AMPH: variants seen among roughly 807,000 people sequenced by gnomAD.
AMPH encodes amphiphysin (Stiff-Mann syndrome with breast cancer 128kD autoantigen).
A neutral mutation model predicts 99.1 loss-of-function variants in AMPH; 49 were observed. The ratio of observed to expected loss-of-function variants is 0.49; its 90% CI spans 0.39 to 0.63. The LOEUF (loss-of-function observed/expected upper bound fraction) is 0.63, where lower values mean the gene tolerates loss of function less well. Among genes scored for constraint, AMPH ranks in the 20% least tolerant of loss-of-function variants. The pLI, the probability that AMPH is intolerant of heterozygous loss-of-function variation, is 0.00. For missense variants in AMPH, 759 were observed against 863.4 expected, an observed-to-expected ratio of 0.88 and a Z score of 1.52; for synonymous variants, 314 against 317.3, an observed-to-expected ratio of 0.99 and a Z score of 0.11.
chr7:38,601,964 T>C (rs1312564551), intron 1 of AMPH, among the ~76,000 whole-genome samples: 1 of 152,174 alleles, frequency 6.6e-6, no homozygotes. Flanking sequence ...AGCAAAACCA[T>C]AACTACCTGT....
At chr7:38,540,173 C>T (rs890870477) in intron 1 of AMPH, among the ~76,000 whole-genome samples, 3 of 152,188 alleles carry the variant, frequency 2.0e-5, no homozygotes, top group South Asian at 2.1e-4. Flanking sequence ...TTCAGTGCCT[C>T]GTGCATTTTG....
intron 11 of AMPH, among the ~76,000 whole-genome samples, chr7:38,454,533 T>TA (rs202161048): frequency 9.2e-4 from 134 of 144,900 alleles, no homozygotes; most frequent in South Asian, 2.6e-3. Flanking sequence ...TTGAGTCAAT[T>TA]AAAAAAAAAA....
intron 10 of AMPH, among the ~76,000 whole-genome samples, 174 bp downstream of exon 10, chr7:38,462,801 A>T (rs1787500772): frequency 6.6e-6 from 1 of 152,192 alleles, no homozygotes; most frequent in Non-Finnish European, 1.5e-5. Flanking sequence ...TATCAAGTCA[A>T]ATAAGAAAAG....
chr7:38,471,633 C>T (rs1030018), intron 7 of AMPH, among the ~76,000 whole-genome samples: 37,681 of 151,950 alleles, frequency 0.25, 5,697 homozygotes, highest in African/African-American at 0.39. Flanking sequence ...ATTTTGGTAA[C>T]TATATAAAGG....
intron 4 of AMPH, among the ~76,000 whole-genome samples, chr7:38,492,367 T>A (rs983971035): frequency 6.6e-6 from 1 of 152,176 alleles, no homozygotes; most frequent in Non-Finnish European, 1.5e-5. Context: ...CGTGAAGGCA[T>A]GCTAAAAATG....
Position 38,406,731 on chromosome 7 carries a change from CCTCTCTCTCT to C in AMPH, c.1398+11084_1398+11093del, listed in dbSNP as rs56738810. On this transcript the variant is annotated intron_variant, in intron 17 of 20. Transcript: ENST00000356264. ...CTCCTCTCCTCTCTCTCTCCCTTTCCCTCTCTCTCTCTCTCTCTCTCTCTCTCTCTCTCTC... is the reference window on the plus strand; with the variant it reads ...CTCCTCTCCTCTCTCTCTCCCTTTCCCTCTCTCTCTCTCTCTCTCTCTCTC... Among the ~76,000 whole-genome samples the C allele has an allele frequency of 6.5e-3, 527 of 80,538 alleles. 4 individuals carry two copies. The highest frequency in any genetic ancestry group is 0.011 in the African/African-American group (203 of 18,226). 52.8% of individuals were successfully genotyped at this position (80,538 alleles called of 152,430 possible).
chr7:38,513,202 G>T (rs901860073), intron 2 of AMPH, among the ~76,000 whole-genome samples: 5 of 152,306 alleles, frequency 3.3e-5, no homozygotes, highest in Admixed American at 3.3e-4. Context: ...ACCAAGGAGA[G>T]TGGCAGTCTT....
At chr7:38,508,070 T>C (rs569494226) in intron 2 of AMPH, among the ~76,000 whole-genome samples, 24 of 152,380 alleles carry the variant, frequency 1.6e-4, no homozygotes, top group Non-Finnish European at 2.4e-4. Flanking sequence ...CAGTTATTTC[T>C]GCCCAGAAGA....
chr7:38,586,584 T>C (rs773467001), intron 1 of AMPH, among the ~76,000 whole-genome samples: 1 of 152,134 alleles, frequency 6.6e-6, no homozygotes, highest in Non-Finnish European at 1.5e-5. Context: ...ATCACATTCA[T>C]GTAAAAATAC....
At chr7:38,630,556 A>AATATG (rs1013633202) in intron 1 of AMPH, among the ~76,000 whole-genome samples, 1 of 152,246 alleles carries the variant, frequency 6.6e-6, no homozygotes, top group African/African-American at 2.4e-5. Flanking sequence ...TTTGTGCAGA[A>AATATG]ATATGCAGAA....
At chr7:38,502,896 G>C (rs1198723437) in intron 3 of AMPH, among the ~76,000 whole-genome samples, 3 of 152,188 alleles carry the variant, frequency 2.0e-5, no homozygotes, top group Non-Finnish European at 2.9e-5. Context: ...ATTTCACTCT[G>C]TTTTCTAAGT....
intron 15 of AMPH, among the ~76,000 whole-genome samples, chr7:38,423,061 G>A (rs1413023386): frequency 6.6e-6 from 1 of 152,178 alleles, no homozygotes; most frequent in Non-Finnish European, 1.5e-5. Context: ...ATTAAACAGA[G>A]GCCACTGGCT....
At chr7:38,407,048 C>CTCTCTCTCTCTCTATA (rs1241166935) in intron 17 of AMPH, among the ~76,000 whole-genome samples, 7 of 31,258 alleles carry the variant, frequency 2.2e-4, no homozygotes, top group African/African-American at 5.7e-4. Context: ...CTCTCTCTCT[C>CTCTCTCTCTCTCTATA]TATATATATA....
At chr7:38,408,160 C>G (rs560250903) in intron 17 of AMPH, among the ~76,000 whole-genome samples, 4 of 152,268 alleles carry the variant, frequency 2.6e-5, no homozygotes, top group African/African-American at 9.6e-5. Flanking sequence ...ATCCCATAAC[C>G]AAGAAGACCA....
intron 14 of AMPH, chr7:38,428,410 C>A: frequency 2.2e-6 from 1 of 456,646 alleles, no homozygotes; most frequent in Non-Finnish European, 4.4e-6. Flanking sequence ...GCATCTCTTC[C>A]CAGAGAATAA....
intron 1 of AMPH, among the ~76,000 whole-genome samples, chr7:38,581,774 G>A (rs1335804860): frequency 6.6e-6 from 1 of 152,178 alleles, no homozygotes; most frequent in African/African-American, 2.4e-5. Flanking sequence ...ATGCAGATGA[G>A]CTTGGCTGAT....
intron 1 of AMPH, among the ~76,000 whole-genome samples, chr7:38,548,792 T>C (rs1791081079): frequency 2.0e-5 from 3 of 152,198 alleles, no homozygotes; most frequent in Admixed American, 6.5e-5. Context: ...CTTGCACACG[T>C]GAAGAACTGG....
intron 4 of AMPH, among the ~76,000 whole-genome samples, chr7:38,492,091 C>T (rs1788740526): frequency 6.6e-6 from 1 of 152,242 alleles, no homozygotes; most frequent in Admixed American, 6.5e-5. Flanking sequence ...TGCTATTTGT[C>T]ACCAATCTCT....
At chr7:38,564,366 G>A (rs1791655241) in intron 1 of AMPH, among the ~76,000 whole-genome samples, 1 of 152,214 alleles carries the variant, frequency 6.6e-6, no homozygotes, top group Non-Finnish European at 1.5e-5. Context: ...CTGTGGAACA[G>A]CCTGACAGAA....
Sources: gnomAD v4.1 joint callset for allele counts (sites outside exome capture counted in the v4.1 genomes callset) on GRCh38, gnomAD v4.1.1 for gene constraint, MANE v1.5 for transcripts, NCBI Gene and HGNC (gene_info 2026-07-23, HGNC 2026-07-21) for gene names.